The following CAMKMT variants were observed in gnomAD, a reference collection of about 807,000 sequenced individuals.
CAMKMT encodes CaM KMT.
In CAMKMT, 53 loss-of-function variants were observed where a neutral mutation model predicts 48.0. That is an observed-to-expected ratio of 1.10 (90% CI 0.89 to 1.39). The LOEUF (loss-of-function observed/expected upper bound fraction) is 1.39. CAMKMT is among the 40% of genes most tolerant of loss of function. The probability of loss-of-function intolerance (pLI) is 0.00; values close to 1 mark genes in which losing one functional copy is unlikely to be tolerated. For missense variants in CAMKMT, 428 were observed against 402.7 expected (o/e 1.06, Z -0.54); for synonymous variants, 165 against 152.3 (o/e 1.08, Z -0.61).
At chr2:44,543,892 A>C (rs1207314710) in intron 3 of CAMKMT, among the ~76,000 whole-genome samples, 4 of 152,182 alleles carry the variant, frequency 2.6e-5, no homozygotes, top group Non-Finnish European at 4.4e-5. Context: ...AGAAAATCAA[A>C]GTTAATGTAG....
intron 3 of CAMKMT, among the ~76,000 whole-genome samples, chr2:44,665,223 A>T (rs2104099843): frequency 6.6e-6 from 1 of 152,220 alleles, no homozygotes; most frequent in South Asian, 2.1e-4. Context: ...GGCACCCGCC[A>T]TCATGCCCGG....
chr2:44,361,981 C>A lies in CAMKMT; in HGVS notation c.-27C>A. The A allele has an allele frequency of 5.1e-6, 7 of 1,367,670 alleles. No individual in the cohort carries two copies. Among genetic ancestry groups the A allele is most frequent in the Non-Finnish European group, 5.6e-6 (6 of 1,064,092 alleles). The allele number at this position is 1,367,670 out of a possible 1,614,324, so 84.7% of individuals were successfully genotyped here. A position where few individuals can be genotyped will look rare whatever the true frequency, so the allele number is the denominator to read the frequency against. ...CAGGGGACGAGCTGCGGCGGTGGCA[C>A]CTCCGGGTGTGGAAGGCTCCAGTGA... On this transcript the variant is annotated 5_prime_UTR_variant, in exon 1 of 11. Coordinates refer to ENST00000378494, the MANE Select transcript of CAMKMT (RefSeq NM_024766.5).
At chr2:44,456,272 T>C (rs1289543830) in intron 3 of CAMKMT, among the ~76,000 whole-genome samples, 1 of 152,166 alleles carries the variant, frequency 6.6e-6, no homozygotes, top group Non-Finnish European at 1.5e-5. Context: ...ACAAAAGAGT[T>C]ACAGGTTATA....
chr2:44,530,995 G>T (rs1244316851), intron 3 of CAMKMT, among the ~76,000 whole-genome samples: 1 of 151,626 alleles, frequency 6.6e-6, no homozygotes, highest in African/African-American at 2.4e-5. Context: ...CTGGGAGTCT[G>T]ATATATATAT....
chr2:44,583,547 C>A (rs1252623939), intron 3 of CAMKMT, among the ~76,000 whole-genome samples: 2 of 152,106 alleles, frequency 1.3e-5, no homozygotes, highest in Non-Finnish European at 2.9e-5. Flanking sequence ...AATCCCAGCA[C>A]TTTGGGAGGC....
At chr2:44,396,993 AG>A (rs1487454814) in intron 3 of CAMKMT, among the ~76,000 whole-genome samples, 1 of 151,136 alleles carries the variant, frequency 6.6e-6, no homozygotes, top group East Asian at 1.9e-4. Flanking sequence ...CAGGAGGCGA[AG>A]GTTGCAGTGA....
At chr2:44,406,467 C>G (rs189754904) in intron 3 of CAMKMT, among the ~76,000 whole-genome samples, 112 of 144,094 alleles carry the variant, frequency 7.8e-4, no homozygotes, top group African/African-American at 2.8e-3. Context: ...CCTTGAGTTT[C>G]TCTTTAATAC....
At chr2:44,753,338 G>C (rs1026168193) in intron 8 of CAMKMT, among the ~76,000 whole-genome samples, 3 of 149,346 alleles carry the variant, frequency 2.0e-5, no homozygotes, top group Admixed American at 6.7e-5. Context: ...GGGGTGGGAG[G>C]ATTGCTTGAG....
chr2:44,722,596 A>G (rs1326550090), intron 7 of CAMKMT, among the ~76,000 whole-genome samples: 3 of 152,140 alleles, frequency 2.0e-5, no homozygotes, highest in Non-Finnish European at 4.4e-5. Flanking sequence ...ATTTGGAGAT[A>G]TAGTGGCAAG....
chr2:44,456,652 A>G, intron 3 of CAMKMT: 2 of 1,537,012 alleles, frequency 1.3e-6, no homozygotes. Context: ...GCCTGGGGAG[A>G]TGGGACTTAT....
chr2:44,474,639 C>T (rs1304207567), intron 3 of CAMKMT, among the ~76,000 whole-genome samples: 1 of 152,108 alleles, frequency 6.6e-6, no homozygotes, highest in South Asian at 2.1e-4. Flanking sequence ...GACCTATAAT[C>T]TCTAAGGCAG....
At chr2:44,733,975 G>A (rs1679219885) in intron 7 of CAMKMT, among the ~76,000 whole-genome samples, 1 of 151,988 alleles carries the variant, frequency 6.6e-6, no homozygotes, top group Non-Finnish European at 1.5e-5. Context: ...GATAAGTCAG[G>A]CTAGAGGTTT....
chr2:44,524,975 A>AAC (rs1553409054), intron 3 of CAMKMT, among the ~76,000 whole-genome samples: 109 of 151,176 alleles, frequency 7.2e-4, no homozygotes, highest in Admixed American at 2.0e-3. Flanking sequence ...TAAAAAAAAA[A>AAC]AAAAAACTTA....
At chr2:44,528,475 T>C (rs77621023) in intron 3 of CAMKMT, among the ~76,000 whole-genome samples, 4,420 of 152,208 alleles carry the variant, frequency 0.029, 207 homozygotes, top group African/African-American at 0.1. Flanking sequence ...TTTATAGATA[T>C]ATCATTTTAT....
chr2:44,423,476 G>A (rs910317271), intron 3 of CAMKMT, among the ~76,000 whole-genome samples: 4 of 152,268 alleles, frequency 2.6e-5, no homozygotes, highest in Admixed American at 1.3e-4. Flanking sequence ...GAGCCATCGC[G>A]CTGGGCCAAA....
chr2:44,753,120 A>T (rs1014655307), intron 8 of CAMKMT, among the ~76,000 whole-genome samples: 2 of 152,024 alleles, frequency 1.3e-5, no homozygotes, highest in African/African-American at 4.8e-5. Flanking sequence ...AACTATAAAA[A>T]CATGAACCTG....
intron 2 of CAMKMT, among the ~76,000 whole-genome samples, chr2:44,378,471 AGTTTGTTTGTTT>A (rs71393268): frequency 0.011 from 1,695 of 150,844 alleles, 20 homozygotes; most frequent in African/African-American, 0.034. Context: ...TCTAGAATTA[AGTTTGTTTGTTT>A]GTTTGTTTGT....
intron 3 of CAMKMT, among the ~76,000 whole-genome samples, chr2:44,697,290 G>T (rs1677007416): frequency 6.6e-6 from 1 of 152,032 alleles, no homozygotes; most frequent in Non-Finnish European, 1.5e-5. Flanking sequence ...CAAGAAAGAG[G>T]AAGACAATGG....
chr2:44,397,766 T>C (rs1325865721), intron 3 of CAMKMT, among the ~76,000 whole-genome samples: 1 of 152,192 alleles, frequency 6.6e-6, no homozygotes, highest in Non-Finnish European at 1.5e-5. Flanking sequence ...AAAATTTCTA[T>C]TTGAAATAAG....
Sources: gnomAD v4.1 joint callset for allele counts (sites outside exome capture counted in the v4.1 genomes callset) on GRCh38, gnomAD v4.1.1 for gene constraint, MANE v1.5 for transcripts, NCBI Gene and HGNC (gene_info 2026-07-23, HGNC 2026-07-21) for gene names.